The following FOXP2 variants were observed in gnomAD, a reference collection of about 807,000 sequenced individuals.
FOXP2 encodes the protein forkhead box P2.
A neutral mutation model predicts 115.8 loss-of-function variants in FOXP2; 12 were observed. That is an observed-to-expected ratio of 0.10 (90% CI 0.07 to 0.17). The LOEUF is 0.17. FOXP2 is among the 10% of genes least tolerant of loss of function. The pLI is 1.00. For synonymous variants in FOXP2, 328 were observed against 297.7 expected, an observed-to-expected ratio of 1.10 and a Z score of -1.05; for missense variants, 629 against 843.5, an observed-to-expected ratio of 0.75 and a Z score of 3.15.
chr7:114,376,031 C>T (rs1438266582), intron 2 of FOXP2, among the ~76,000 whole-genome samples: 1 of 152,104 alleles, frequency 6.6e-6, no homozygotes, highest in African/African-American at 2.4e-5. Context: ...TTCAGTTGGC[C>T]TAGATTGCTT....
intron 2 of FOXP2, among the ~76,000 whole-genome samples, chr7:114,467,169 T>C (rs1795838008): frequency 6.6e-6 from 1 of 152,208 alleles, no homozygotes; most frequent in African/African-American, 2.4e-5. Flanking sequence ...TTCCTTAGAA[T>C]TTGTTTAATG....
chr7:114,387,417 A>G (rs986256346), intron 2 of FOXP2, among the ~76,000 whole-genome samples: 1 of 152,222 alleles, frequency 6.6e-6, no homozygotes, highest in Admixed American at 6.5e-5. Flanking sequence ...ACTAGAATAC[A>G]TGAGTCAATT....
At chr7:114,572,263 G>A (rs1227058872) in intron 3 of FOXP2, among the ~76,000 whole-genome samples, 1 of 148,754 alleles carries the variant, frequency 6.7e-6, no homozygotes, top group African/African-American at 2.6e-5. Flanking sequence ...AAGAAATAAT[G>A]AATGTCAAGG....
chr7:114,271,977 A>G (rs866849254), intron 1 of FOXP2, among the ~76,000 whole-genome samples: 2 of 134,092 alleles, frequency 1.5e-5, no homozygotes, highest in East Asian at 2.1e-4. Context: ...TATATAATAT[A>G]ATTATATATA....
intron 11 of FOXP2, 69 bp from the exon 12 acceptor site, chr7:114,659,287 A>C (rs992265973): frequency 8.9e-7 from 1 of 1,128,592 alleles, no homozygotes; most frequent in Non-Finnish European, 1.3e-6. Context: ...TACTAGAGGA[A>C]ATATGAAAAT....
intron 3 of FOXP2, among the ~76,000 whole-genome samples, chr7:114,568,733 GATGTTT>G (rs1801145041): frequency 6.6e-6 from 1 of 151,874 alleles, no homozygotes; most frequent in South Asian, 2.1e-4. Flanking sequence ...CCATTTAAGG[GATGTTT>G]ATGTTTAAGG....
chr7:114,609,658 C>T (rs972245205), intron 3 of FOXP2, among the ~76,000 whole-genome samples: 3 of 152,136 alleles, frequency 2.0e-5, no homozygotes, highest in African/African-American at 7.2e-5. Context: ...TATGAAATGT[C>T]TCTGAAAATT....
At chr7:114,147,201 T>C (rs1223186371) in intron 1 of FOXP2, among the ~76,000 whole-genome samples, 7 of 152,328 alleles carry the variant, frequency 4.6e-5, no homozygotes, top group Non-Finnish European at 1.0e-4. Context: ...GGGGTTGTTA[T>C]AGGGATCAAA....
At chr7:114,685,816 A>T (rs1808330674) in intron 16 of FOXP2, among the ~76,000 whole-genome samples, 1 of 152,306 alleles carries the variant, frequency 6.6e-6, no homozygotes, top group Admixed American at 6.5e-5. Flanking sequence ...ATGTTCTGGA[A>T]TCTCATTTAC....
At chr7:114,314,720 T>G (rs1042074805) in intron 2 of FOXP2, among the ~76,000 whole-genome samples, 1 of 152,174 alleles carries the variant, frequency 6.6e-6, no homozygotes, top group African/African-American at 2.4e-5. Flanking sequence ...GTGACCACAT[T>G]ATAAATTTGG....
At chr7:114,248,443 C>T (rs556544430) in intron 1 of FOXP2, among the ~76,000 whole-genome samples, 1 of 152,166 alleles carries the variant, frequency 6.6e-6, no homozygotes, top group South Asian at 2.1e-4. Context: ...TTTACCATCA[C>T]AATGAGAGAA....
At chr7:114,361,042 A>T (rs1791733346) in intron 2 of FOXP2, among the ~76,000 whole-genome samples, 1 of 152,158 alleles carries the variant, frequency 6.6e-6, no homozygotes. Flanking sequence ...ATCATTGCCA[A>T]CTAAGATAGA....
intron 2 of FOXP2, among the ~76,000 whole-genome samples, chr7:114,382,809 C>T (rs1445193338): frequency 6.6e-6 from 1 of 152,134 alleles, no homozygotes; most frequent in Non-Finnish European, 1.5e-5. Context: ...GGGAGGTGTG[C>T]TTCCTTAATG....
chr7:114,632,365 T>A (rs1804967669), intron 6 of FOXP2, among the ~76,000 whole-genome samples: 1 of 152,230 alleles, frequency 6.6e-6, no homozygotes, highest in Admixed American at 6.5e-5. Context: ...GTCATATTCA[T>A]AACCCTTCAC....
chr7:114,185,380 T>G (rs1382428284), intron 1 of FOXP2, among the ~76,000 whole-genome samples: 1 of 152,160 alleles, frequency 6.6e-6, no homozygotes, highest in African/African-American at 2.4e-5. Flanking sequence ...AGTGGGCAAG[T>G]TGCTTAATAT....
At chr7:114,549,047 G>A (rs1050797021) in intron 3 of FOXP2, among the ~76,000 whole-genome samples, 1 of 152,122 alleles carries the variant, frequency 6.6e-6, no homozygotes, top group Admixed American at 6.5e-5. Flanking sequence ...TGTATTTCCT[G>A]CAGCAATTAC....
At chr7:114,610,371 T>A (rs1803563493) in intron 3 of FOXP2, among the ~76,000 whole-genome samples, 1 of 152,204 alleles carries the variant, frequency 6.6e-6, no homozygotes, top group Non-Finnish European at 1.5e-5. Flanking sequence ...TTTACATTAC[T>A]TTTTAAACAA....
chr7:114,628,479 T>C (rs775124994), intron 3 of FOXP2, 61 bp from the exon 4 acceptor site: 11 of 1,601,634 alleles, frequency 6.9e-6, no homozygotes, highest in South Asian at 1.1e-5. Context: ...ATTTGTGAAG[T>C]TGATTAACAG....
intron 3 of FOXP2, chr7:114,570,980 C>A (rs1801273420): frequency 5.1e-6 from 5 of 980,414 alleles, no homozygotes; most frequent in Non-Finnish European, 8.2e-6. Context: ...TAGCCAATCC[C>A]TTCCATTGGT....
Sources: allele counts gnomAD v4.1 joint callset (sites outside exome capture counted in the v4.1 genomes callset), GRCh38; gene constraint gnomAD v4.1.1; transcripts MANE v1.5; gene names NCBI Gene and HGNC (gene_info 2026-07-23, HGNC 2026-07-21).